KLK14: variants seen among roughly 807,000 people sequenced by gnomAD.
KLK14 encodes the protein kallikrein related peptidase 14, also known as kallikrein-14.
A neutral mutation model predicts 24.6 loss-of-function variants in KLK14; 21 were observed. The ratio of observed to expected loss-of-function variants is 0.85; its 90% CI spans 0.61 to 1.23. The LOEUF is 1.23. Ranked by LOEUF, KLK14 falls within the 50% of genes most tolerant of loss-of-function variation. KLK14 has a pLI of 0.00. For synonymous variants in KLK14, 133 were observed against 139.7 expected (o/e 0.95, Z 0.34); for missense variants, 320 against 338.9 (o/e 0.94, Z 0.44).
intron 1 of KLK14, 21 bp from the exon 2 acceptor site, chr19:51,082,657 G>T: frequency 6.2e-7 from 1 of 1,614,182 alleles, no homozygotes; most frequent in Non-Finnish European, 8.5e-7. Context: ...CAGAGAAAAA[G>T]TGAGAGAGAA....
rs1260575836 is a variant in KLK14, at chr19:51,081,606, G to A, written c.138C>T (p.Pro46=). ...QPWQAALLAG[P]RRRFLCGGAL... ...CGCCTCCGCAGAGGAAGCGGCGCCTGGGACCCGCCAGCAGGGCCGCCTGCC... is the reference window on the plus strand; with the variant it reads ...CGCCTCCGCAGAGGAAGCGGCGCCTAGGACCCGCCAGCAGGGCCGCCTGCC... Residue 46 remains proline (P), a synonymous_variant, in exon 3 of 6, where the codon CCC becomes CCT. Coordinates refer to ENST00000650543, the MANE Select transcript of KLK14 (RefSeq NM_001369775.2). The A allele has an allele frequency of 1.3e-6, 2 of 1,550,766 alleles. No individual in the cohort carries two copies. Among genetic ancestry groups the A allele is most frequent in the Non-Finnish European group, 1.7e-6 (2 of 1,146,496 alleles).
Position 51,079,677 on chromosome 19 carries a change from G to A in KLK14, c.238C>T (p.His80Tyr), listed in dbSNP as rs2091827493. The change falls in exon 4 of 6, where the codon CAC (histidine) becomes TAC (tyrosine). Residue 80 changes from histidine to tyrosine, a missense_variant. Transcript: ENST00000650543. ...GTGGCCTCCCACCTCCTCAGGTTGT[G>A]CTTGCCCAGGGCAACCTGAAGGATC... ...RPILQVALGKHNLRRWEATQQ... is the reference protein window; with the variant it reads ...RPILQVALGKYNLRRWEATQQ... 1.9e-6 allele frequency: 3 copies of A among 1,570,842 alleles called. No homozygotes were observed. The highest frequency in any genetic ancestry group is 2.6e-6 in the Non-Finnish European group (3 of 1,158,144).
Position 51,079,545 on chromosome 19 carries a change from C to T in KLK14, c.370G>A (p.Gly124Arg), listed in dbSNP as rs199715229. 402 of 1,613,964 alleles carry T rather than the reference C, an allele frequency of 2.5e-4. 1 individual carries two copies. The East Asian group carries it at 6.2e-3, about 25-fold the overall frequency. The change falls in exon 4 of 6, where the codon GGG becomes AGG. Residue 124 changes from glycine to arginine, a missense_variant. Transcript: ENST00000650543. ...ACCTCAATGGGCCTGACTGCCCTCCCGATCCGTGCGGGCTGCTGTAGCTGC... is the reference window on the plus strand; with the variant it reads ...ACCTCAATGGGCCTGACTGCCCTCCTGATCCGTGCGGGCTGCTGTAGCTGC... ...LLQLQQPARIGRAVRPIEVTQ... is the reference protein window; with the variant it reads ...LLQLQQPARIRRAVRPIEVTQ...
At chr19:51,082,287 C>T (rs1007085040) in intron 2 of KLK14, among the ~76,000 whole-genome samples, 3 of 152,150 alleles carry the variant, frequency 2.0e-5, no homozygotes, top group East Asian at 1.9e-4. Context: ...GGTAGAGCCC[C>T]GTGATCTTTC....
Position 51,078,101 on chromosome 19 carries a change from C to T in KLK14, c.662G>A (p.Gly221Glu), listed in dbSNP as rs764761150. 19 of 1,613,856 alleles carry T rather than the reference C, an allele frequency of 1.2e-5. No homozygotes were observed. Among genetic ancestry groups the T allele is most frequent in the Non-Finnish European group, 1.4e-5 (17 of 1,179,906 alleles). Residue 221 changes from glycine (G) to glutamate (E), a missense_variant, in exon 6 of 6, where the codon GGA becomes GAA. By Grantham distance (98) the Gly-to-Glu change is moderately conservative (BLOSUM62 -2). Coordinates refer to ENST00000650543, the MANE Select transcript of KLK14 (RefSeq NM_001369775.2). The surrounding 1 kb of genome is among the most constrained non-coding windows in gnomAD (Gnocchi z 5.0). ...GCCAGGCAGGGCGCAGCGCTCCATT[C>T]CCCAAGACACGAGGCCCTGGAGCTG... ...RGQLQGLVSW[G>E]MERCALPGYP...
At position 51,079,592 on chromosome 19, in the gene KLK14, T is replaced by TG. The variant is rs774432844; in HGVS notation, c.322dup (p.His108ProfsTer24). 6.9e-5 allele frequency: 112 copies of TG among 1,613,778 alleles called. No individual in the cohort carries two copies. Among genetic ancestry groups the TG allele is most frequent in the Non-Finnish European group, 9.0e-5 (106 of 1,179,950 alleles). Reference sequence around the variant, plus strand: ...CTGCAGCAGCATGAGGTCGTTGTCGTGGGTCCGGGAGTTGTAGTTGGGGTG... The same window carrying TG: ...CTGCAGCAGCATGAGGTCGTTGTCGTGGGGTCCGGGAGTTGTAGTTGGGGTG... On this transcript the variant is annotated frameshift_variant, in exon 4 of 6. Coordinates refer to ENST00000650543, the MANE Select transcript of KLK14 (RefSeq NM_001369775.2). LOFTEE classifies it high-confidence loss of function.
chr19:51,080,180 TTA>T lies in KLK14; in HGVS notation c.213-480_213-479del, dbSNP rs1312010815. ...CTGGATTATGACTTGATTTATTTAT[TTA>T]TTTTTTTTTTGTGATGGAGTCTCGC... On this transcript the variant is annotated intron_variant, in intron 3 of 5. Coordinates refer to ENST00000650543, the MANE Select transcript of KLK14 (RefSeq NM_001369775.2). Among the ~76,000 whole-genome samples, 240 of 125,342 alleles carry T rather than the reference TTA, an allele frequency of 1.9e-3. 1 individual carries two copies. The Middle Eastern group carries it at 0.02, about 11-fold the overall frequency. The allele number at this position is 125,342 out of a possible 152,430, so 82.2% of individuals were successfully genotyped here.
In KLK14 at chr19:51,082,628, G is replaced by C. The variant is rs1302584068; in HGVS notation, c.-14C>G. The stretch of plus-strand genomic sequence containing the variant: ...CAGGAGGAACATTTTAGGGGCTGAG[G>C]GCCAGGTCCTGTCAAATGCAGAGAA... On this transcript the variant is annotated 5_prime_UTR_variant, in exon 2 of 6. Coordinates refer to ENST00000650543, the MANE Select transcript of KLK14 (RefSeq NM_001369775.2). 2 of 1,614,116 alleles carry C rather than the reference G, an allele frequency of 1.2e-6. No homozygotes were observed. Among genetic ancestry groups the C allele is most frequent in the Non-Finnish European group, 1.7e-6 (2 of 1,180,028 alleles).
At position 51,081,522 on chromosome 19, in the gene KLK14, G is replaced by A. The variant is rs1316111535; in HGVS notation, c.212+10C>T. ...CACTAGGTACAGGGACAGGGGAGGG[G>A]GTCACTTACGGGCGGCCGCAGTGAG... On this transcript the variant is annotated intron_variant, in intron 3 of 5. Coordinates refer to ENST00000650543, the MANE Select transcript of KLK14 (RefSeq NM_001369775.2). The A allele has an allele frequency of 2.0e-6, 3 of 1,498,014 alleles. No individual in the cohort carries two copies. Among genetic ancestry groups the A allele is most frequent in the African/African-American group, 1.4e-5 (1 of 71,430 alleles). 92.8% of individuals were successfully genotyped at this position (1,498,014 alleles called of 1,614,324 possible). A position where few individuals can be genotyped will look rare whatever the true frequency, so the allele number is the denominator to read the frequency against.
chr19:51,079,517 G>GTGACCTCAATGGGCCTGAC lies in KLK14; in HGVS notation c.379_397dup (p.Thr133SerfsTer5). 7 of 1,613,874 alleles carry GTGACCTCAATGGGCCTGAC rather than the reference G, an allele frequency of 4.3e-6. No individual in the cohort carries two copies. The highest frequency in any genetic ancestry group is 5.9e-6 in the Non-Finnish European group (7 of 1,180,024). On this transcript the variant is annotated stop_gained and frameshift_variant, in exon 4 of 6. Transcript: ENST00000650543. LOFTEE classifies it high-confidence loss of function. ...GGTCCCGGGGCTGGCACAGGCCTGG[G>GTGACCTCAATGGGCCTGAC]TGACCTCAATGGGCCTGACTGCCCT...
rs986599131 is a variant in KLK14 at position 51,077,915 on chromosome 19, A to T, written c.*92T>A. 126 of 1,469,474 alleles carry T rather than the reference A, an allele frequency of 8.6e-5. No homozygotes were observed. Among genetic ancestry groups the T allele is most frequent in the Non-Finnish European group, 1.1e-4 (124 of 1,089,694 alleles). The allele number at this position is 1,469,474 out of a possible 1,614,324, so 91.0% of individuals were successfully genotyped here. A position where few individuals can be genotyped will look rare whatever the true frequency, so the allele number is the denominator to read the frequency against. On this transcript the variant is annotated 3_prime_UTR_variant, in exon 6 of 6. Coordinates refer to ENST00000650543, the MANE Select transcript of KLK14 (RefSeq NM_001369775.2). Reference sequence around the variant, plus strand: ...CTGGGGGCCTGGACTCCTGGGTCTGAGGGAGGAGGGGCTGGGGCCTGGACT... The same window carrying T: ...CTGGGGGCCTGGACTCCTGGGTCTGTGGGAGGAGGGGCTGGGGCCTGGACT...
chr19:51,079,331 G>A (rs2091824094), intron 4 of KLK14, 118 bp downstream of exon 4: 6 of 1,101,300 alleles, frequency 5.4e-6, no homozygotes, highest in South Asian at 3.2e-5. Context: ...AGACCCAGGA[G>A]TCCAGGCCCA....
rs2091817577 is a variant in KLK14 at position 51,078,584 on chromosome 19, C to G, written c.603+231G>C. On this transcript the variant is annotated intron_variant, in intron 5 of 5. Coordinates refer to ENST00000650543, the MANE Select transcript of KLK14 (RefSeq NM_001369775.2). The surrounding 1 kb of genome is among the most constrained non-coding windows in gnomAD (Gnocchi z 5.0). The stretch of plus-strand genomic sequence containing the variant: ...GCCTCATCCCATTCCACCAACTACC[C>G]TAAGAGGGTTACTCCCACCTGACAG... 6.6e-6 allele frequency among the ~76,000 whole-genome samples: 1 copy of G among 152,168 alleles called. No homozygotes were observed. Among genetic ancestry groups the G allele is most frequent in the Non-Finnish European group, 1.5e-5 (1 of 68,030 alleles).
rs1168640551 is a variant in KLK14 at position 51,079,510 on chromosome 19, G to T, written c.405C>A (p.Ala135=). The change falls in exon 4 of 6, where the codon GCC becomes GCA. Residue 135 remains alanine (A), a synonymous_variant. Transcript: ENST00000650543. ...GGCAGGAGGTCCCGGGGCTGGCACAGGCCTGGGTGACCTCAATGGGCCTGA... is the reference window on the plus strand; with the variant it reads ...GGCAGGAGGTCCCGGGGCTGGCACATGCCTGGGTGACCTCAATGGGCCTGA... ...RAVRPIEVTQ[A]CASPGTSCRV... 2 of 1,613,860 alleles carry T rather than the reference G, an allele frequency of 1.2e-6. No individual in the cohort carries two copies. Among genetic ancestry groups the T allele is most frequent in the East Asian group, 4.5e-5 (2 of 44,878 alleles).
rs1599795747 is a variant in KLK14 at position 51,078,295 on chromosome 19, G to C, written c.604-136C>G. ...CAGTTAGGGACACAGTCCTGCCCCA[G>C]CTCTGAGGTCTCAGCCCCGGAGGTC... On this transcript the variant is annotated intron_variant, in intron 5 of 5. Transcript: ENST00000650543. The surrounding 1 kb of genome is among the most constrained non-coding windows in gnomAD (Gnocchi z 5.0). 4 of 955,592 alleles carry C rather than the reference G, an allele frequency of 4.2e-6. No individual in the cohort carries two copies. The Admixed American group carries it at 1.1e-4, about 25-fold the overall frequency. The allele number at this position is 955,592 out of a possible 1,614,324, so 59.2% of individuals were successfully genotyped here. A position where few individuals can be genotyped will look rare whatever the true frequency, so the allele number is the denominator to read the frequency against.
At chr19:51,083,492 G>C, upstream of KLK14, among the ~76,000 whole-genome samples, 1 of 151,960 alleles carries the variant, frequency 6.6e-6, no homozygotes, top group South Asian at 2.1e-4. Flanking sequence ...GAGAGGGGGA[G>C]AGCAAGAGAC....
At position 51,078,088 on chromosome 19, in the gene KLK14, G is replaced by A. The variant is rs765940858; in HGVS notation, c.675C>T (p.Cys225=). Residue 225 remains cysteine (C), a synonymous_variant, in exon 6 of 6, where the codon TGC becomes TGT. Transcript: ENST00000650543. This position sits in a 1 kb window ranked among gnomAD's most constrained non-coding sequence, Gnocchi z 5.0. ...AGACACCGGGGTAGCCAGGCAGGGC[G>A]CAGCGCTCCATTCCCCAAGACACGA... The part of the protein sequence containing the change: ...QGLVSWGMER[C]ALPGYPGVYT... 29 of 1,613,000 alleles carry A rather than the reference G, an allele frequency of 1.8e-5. No homozygotes were observed. Among genetic ancestry groups the A allele is most frequent in the Middle Eastern group, 3.3e-4 (2 of 6,052 alleles).
chr19:51,078,864 G>C lies in KLK14; in HGVS notation c.554C>G (p.Pro185Arg), dbSNP rs751763200. 6.2e-7 allele frequency: 1 copy of C among 1,614,082 alleles called. No individual in the cohort carries two copies. Among genetic ancestry groups the C allele is most frequent in the Admixed American group, 1.7e-5 (1 of 60,016 alleles). The change falls in exon 5 of 6, where the codon CCT becomes CGT. Residue 185 changes from proline (P) to arginine (R), a missense_variant. Pro to Arg is a moderately radical substitution (Grantham distance 103, BLOSUM62 -2). Coordinates refer to ENST00000650543, the MANE Select transcript of KLK14 (RefSeq NM_001369775.2). This position sits in a 1 kb window ranked among gnomAD's most constrained non-coding sequence, Gnocchi z 5.0. Reference protein sequence around the residue: ...CQKAYPRTITPGMVCAGVPQG... With the variant: ...CQKAYPRTITRGMVCAGVPQG... ...GGGAACTCCTGCACAGACCATGCCAGGCGTGATGGTTCTAGGATAGGCCTT... is the reference window on the plus strand; with the variant it reads ...GGGAACTCCTGCACAGACCATGCCACGCGTGATGGTTCTAGGATAGGCCTT...
intron 3 of KLK14, among the ~76,000 whole-genome samples, chr19:51,080,692 A>AT (rs2091834211): frequency 6.6e-6 from 1 of 151,842 alleles, no homozygotes; most frequent in Admixed American, 6.6e-5. Flanking sequence ...TGATTGATTG[A>AT]TATGGAGTTT....
Sources: gnomAD v4.1 joint callset for allele counts (sites outside exome capture counted in the v4.1 genomes callset) on GRCh38, gnomAD v4.1.1 for gene constraint, Gnocchi (gnomAD v3.1) non-coding constraint, MANE v1.5 for transcripts, NCBI Gene and HGNC (gene_info 2026-07-23, HGNC 2026-07-21) for gene names.